PCDHGA6: variants seen among roughly 807,000 people sequenced by gnomAD.
PCDHGA6 encodes the protein protocadherin gamma subfamily A, 6, also known as protocadherin gamma-A6.
PCDHGA6 carries 41 observed loss-of-function variants against 60.6 expected under a neutral mutation model. The observed-to-expected ratio is 0.68, with a 90% CI of 0.53 to 0.88. The LOEUF (loss-of-function observed/expected upper bound fraction) is 0.88, where lower values mean the gene tolerates loss of function less well. PCDHGA6 is among the 40% of genes least tolerant of loss of function. The pLI is 0.00. For missense variants in PCDHGA6, 1,312 were observed against 1,203.0 expected (o/e 1.09, Z -1.34); for synonymous variants, 594 against 524.4 (o/e 1.13, Z -1.81).
chr5:141,424,699 G>A (rs185769714), intron 1 of PCDHGA6: 222 of 152,060 alleles, frequency 1.5e-3, no homozygotes, highest in African/African-American at 5.2e-3. Flanking sequence ...CTATTTTTTT[G>A]TTCATTTTCA....
At chr5:141,457,573 C>T (rs934685938) in intron 1 of PCDHGA6, among the ~76,000 whole-genome samples, 3 of 152,206 alleles carry the variant, frequency 2.0e-5, no homozygotes, top group Non-Finnish European at 4.4e-5. Flanking sequence ...CAAAATTTTT[C>T]TCTCCAGTCC....
At chr5:141,440,770 G>A (rs2098199385) in intron 1 of PCDHGA6, 1 of 152,176 alleles carries the variant, frequency 6.6e-6, no homozygotes, top group African/African-American at 2.4e-5. Flanking sequence ...CCATCCCTTA[G>A]TGCTAGCAGC....
chr5:141,490,938 C>A lies in PCDHGA6; in HGVS notation c.2425-3869C>A. 1.2e-6 allele frequency: 2 copies of A among 1,613,672 alleles called. No individual in the cohort carries two copies. Among genetic ancestry groups the A allele is most frequent in the Non-Finnish European group, 1.7e-6 (2 of 1,179,760 alleles). On this transcript the variant is annotated intron_variant, in intron 1 of 3. Coordinates refer to ENST00000517434, the MANE Select transcript of PCDHGA6 (RefSeq NM_018919.3). The surrounding 1 kb of genome is among the most constrained non-coding windows in gnomAD (Gnocchi z 5.4). ...ATGATAATGCCCCAGCTGTGCTGCA[C>A]CCACGGCCAGACTGGGAACACTCAG... is the stretch of plus-strand genomic sequence containing the variant.
At position 141,459,716 on chromosome 5, in the gene PCDHGA6, C is replaced by T. The variant is rs1592633942; in HGVS notation, c.2425-35091C>T. On this transcript the variant is annotated intron_variant, in intron 1 of 3. Coordinates refer to ENST00000517434, the MANE Select transcript of PCDHGA6 (RefSeq NM_018919.3). ...CGCTTGCTACATTTTCTCACCAATG[C>T]TTCCTATTGTCAATTTTTTAAATTT... is the stretch of plus-strand genomic sequence containing the variant. Among the ~76,000 whole-genome samples the T allele has an allele frequency of 2.0e-5, 3 of 152,334 alleles. No homozygotes were observed. In the South Asian group the frequency reaches 6.2e-4, roughly 32 times the overall value.
Position 141,374,395 on chromosome 5 carries a change from G to A in PCDHGA6, c.312G>A (p.Val104=). The change falls in exon 1 of 4, where the codon GTG becomes GTA. Residue 104 remains valine (V), a synonymous_variant. Transcript: ENST00000517434. ...GTGCTCAGAGCCCGCGGTGTCTGGT[G>A]AGTTTTAACATCCTTGTCGAGGATA... is the stretch of plus-strand genomic sequence containing the variant. ...ELCAQSPRCL[V]SFNILVEDKL... is the part of the protein sequence containing the mutation. 1 of 1,614,050 alleles carries A rather than the reference G, an allele frequency of 6.2e-7. No homozygotes were observed. Among genetic ancestry groups the A allele is most frequent in the South Asian group, 1.1e-5 (1 of 91,088 alleles).
chr5:141,468,845 A>G (rs1426852752), intron 1 of PCDHGA6, among the ~76,000 whole-genome samples: 3 of 152,150 alleles, frequency 2.0e-5, no homozygotes, highest in Non-Finnish European at 2.9e-5. Flanking sequence ...CAGCCTGGGC[A>G]ACAGAGCGAG....
At chr5:141,419,588 A>T in intron 1 of PCDHGA6, 1 of 1,611,830 alleles carries the variant, frequency 6.2e-7, no homozygotes, top group East Asian at 2.2e-5. Flanking sequence ...GCTCTTCGAC[A>T]CAGTGCCGCG....
intron 1 of PCDHGA6, chr5:141,400,199 C>G (rs1561675523): frequency 2.5e-6 from 4 of 1,614,048 alleles, no homozygotes; most frequent in Admixed American, 1.7e-5. Flanking sequence ...CTAGTGGTGG[C>G]CTTGGCCTTG....
chr5:141,508,800 C>A (rs973992018), intron 3 of PCDHGA6, among the ~76,000 whole-genome samples: 1 of 152,086 alleles, frequency 6.6e-6, no homozygotes, highest in African/African-American at 2.4e-5. Context: ...CTCTGGAATC[C>A]TGGCTCTTTG....
rs758216080 is a variant in PCDHGA6, at chr5:141,398,809, C to A, written c.2424+22302C>A. 1.3e-5 allele frequency: 21 copies of A among 1,613,854 alleles called. No individual in the cohort carries two copies. In the South Asian group the frequency reaches 2.1e-4, roughly 16 times the overall value. On this transcript the variant is annotated intron_variant, in intron 1 of 3. Coordinates refer to ENST00000517434, the MANE Select transcript of PCDHGA6 (RefSeq NM_018919.3). ...TCCACCCCTAAGCGGCACCACTGAG[C>A]TCCGGATCCAGGTAACCGACGCCAA...
At position 141,400,271 on chromosome 5, in the gene PCDHGA6, C is replaced by A. The variant is rs2093993934; in HGVS notation, c.2424+23764C>A. The A allele has an allele frequency of 4.3e-6, 7 of 1,614,094 alleles. No individual in the cohort carries two copies. In the African/African-American group the frequency reaches 9.3e-5, roughly 21 times the overall value. The stretch of plus-strand genomic sequence containing the variant: ...GTTGCCTTGCGCCTGCGACGCTCCT[C>A]CAGCCCTGCCGCCTGGAGCTGCTTC... On this transcript the variant is annotated intron_variant, in intron 1 of 3. Transcript: ENST00000517434.
chr5:141,390,486 G>GT (rs2092161053), intron 1 of PCDHGA6: 4 of 649,376 alleles, frequency 6.2e-6, no homozygotes, highest in Non-Finnish European at 7.7e-6. Flanking sequence ...ACATTTGTTT[G>GT]TTTTTTAGCC....
chr5:141,487,237 T>G lies in PCDHGA6; in HGVS notation c.2425-7570T>G, dbSNP rs1327004790. ...CAGCTCCAAGGGAAGGAGAATCTCGTCTAACCCTCTACTTGGCTGTGTCCC... is the reference window on the plus strand; with the variant it reads ...CAGCTCCAAGGGAAGGAGAATCTCGGCTAACCCTCTACTTGGCTGTGTCCC... On this transcript the variant is annotated intron_variant, in intron 1 of 3. Transcript: ENST00000517434. This position sits in a 1 kb window ranked among gnomAD's most constrained non-coding sequence, Gnocchi z 5.0. 1.2e-6 allele frequency: 2 copies of G among 1,614,004 alleles called. No individual in the cohort carries two copies. The highest frequency in any genetic ancestry group is 1.7e-6 in the Non-Finnish European group (2 of 1,179,988).
rs537755017 is a variant in PCDHGA6 at position 141,491,797 on chromosome 5, G to A, written c.2425-3010G>A. 16 of 1,506,818 alleles carry A rather than the reference G, an allele frequency of 1.1e-5. No individual in the cohort carries two copies. In the Admixed American group the frequency reaches 2.2e-4, roughly 20 times the overall value. The allele number at this position is 1,506,818 out of a possible 1,614,324, so 93.3% of individuals were successfully genotyped here. A position where few individuals can be genotyped will look rare whatever the true frequency, so the allele number is the denominator to read the frequency against. ...ATTGAACTTGCATCCACTCCTCTCC[G>A]GCCGGCTTGGTCGCTGGCTGCGCTC... On this transcript the variant is annotated intron_variant, in intron 1 of 3. Transcript: ENST00000517434. The surrounding 1 kb of genome is among the most constrained non-coding windows in gnomAD (Gnocchi z 6.9).
At chr5:141,474,893 T>C (rs1406276730) in intron 1 of PCDHGA6, among the ~76,000 whole-genome samples, 1 of 152,256 alleles carries the variant, frequency 6.6e-6, no homozygotes, top group East Asian at 1.9e-4. Flanking sequence ...TAGAGGTTCA[T>C]TTCTTGTTCA....
At chr5:141,402,854 C>T (rs1589466051) in intron 1 of PCDHGA6, 2 of 1,423,530 alleles carry the variant, frequency 1.4e-6, no homozygotes, top group East Asian at 2.5e-5. Flanking sequence ...CCTCTTTCTT[C>T]TAAGGAAAAG....
rs540471918 is a variant in PCDHGA6 at position 141,433,283 on chromosome 5, T to C, written c.2424+56776T>C. ...ATCATAGCTCACTGCAGCCTCAAAC[T>C]CCTAGGCTCAAGCAATTATCCCACC... On this transcript the variant is annotated intron_variant, in intron 1 of 3. Coordinates refer to ENST00000517434, the MANE Select transcript of PCDHGA6 (RefSeq NM_018919.3). The C allele has an allele frequency of 4.2e-5, 50 of 1,183,074 alleles. No homozygotes were observed. In the Admixed American group the frequency reaches 7.9e-4, roughly 19 times the overall value. 73.3% of individuals were successfully genotyped at this position (1,183,074 alleles called of 1,614,324 possible).
chr5:141,509,684 C>G (rs572295300), intron 3 of PCDHGA6, among the ~76,000 whole-genome samples: 139 of 152,310 alleles, frequency 9.1e-4, no homozygotes, highest in Admixed American at 3.7e-3. Flanking sequence ...TTCTTCTGTA[C>G]AGTGGGACGT....
chr5:141,498,002 C>T (rs1442305270), intron 2 of PCDHGA6, among the ~76,000 whole-genome samples: 2 of 152,178 alleles, frequency 1.3e-5, no homozygotes, highest in East Asian at 1.9e-4. Flanking sequence ...AAGGAGTTTA[C>T]AGTGCACTGA....
Sources: gnomAD v4.1 joint callset for allele counts (sites outside exome capture counted in the v4.1 genomes callset) on GRCh38, gnomAD v4.1.1 for gene constraint, Gnocchi (gnomAD v3.1) non-coding constraint, MANE v1.5 for transcripts, NCBI Gene and HGNC (gene_info 2026-07-23, HGNC 2026-07-21) for gene names.